Variants in COCH observed in about 807,000 individuals in gnomAD.
The protein encoded by COCH is coagulation factor C homolog, cochlin (Limulus polyphemus).
A neutral mutation model predicts 54.8 loss-of-function variants in COCH; 40 were observed. The observed-to-expected ratio is 0.73, with a 90% confidence interval of 0.57 to 0.95. The LOEUF (loss-of-function observed/expected upper bound fraction) is 0.95. Ranked by LOEUF, COCH falls within the 40% of genes least tolerant of loss-of-function variation. The pLI, the probability that COCH is intolerant of heterozygous loss-of-function variation, is 0.00. For synonymous variants in COCH, 256 were observed against 237.9 expected, an observed-to-expected ratio of 1.08 and a Z score of -0.70; for missense variants, 605 against 675.0, an observed-to-expected ratio of 0.90 and a Z score of 1.15.
In COCH at chr14:30,880,447, T is replaced by C; in HGVS notation, c.437-5T>C. 1 of 1,613,960 alleles carries C rather than the reference T, an allele frequency of 6.2e-7. No individual in the cohort carries two copies. The highest frequency in any genetic ancestry group is 8.5e-7 in the Non-Finnish European group (1 of 1,179,886). On this transcript the variant is annotated splice_polypyrimidine_tract_variant and splice_region_variant and intron_variant, in intron 6 of 11. Coordinates refer to ENST00000396618, the MANE Select transcript of COCH (RefSeq NM_004086.3). The stretch of plus-strand genomic sequence containing the variant: ...TGTTAATGCCAAGTGCATCTTTTAT[T>C]TCAGGTAAACGACTAAAGAAAACAC...
downstream of COCH, among the ~76,000 whole-genome samples, chr14:30,890,966 G>A (rs941141437): frequency 6.6e-6 from 1 of 152,026 alleles, no homozygotes; most frequent in Non-Finnish European, 1.5e-5. Flanking sequence ...TTGAGCCGAG[G>A]AGGTCAAGGC....
Position 30,882,120 on chromosome 14 carries a change from G to GTTTTTTTTTTTTTTTTTTTTT in COCH, c.629+1393_629+1413dup, listed in dbSNP as rs61175020. Among the ~76,000 whole-genome samples, 43 of 67,912 alleles carry GTTTTTTTTTTTTTTTTTTTTT rather than the reference G, an allele frequency of 6.3e-4. 9 individuals are homozygous for GTTTTTTTTTTTTTTTTTTTTT. Among genetic ancestry groups the GTTTTTTTTTTTTTTTTTTTTT allele is most frequent in the African/African-American group, 1.2e-3 (18 of 15,212 alleles). 44.6% of individuals were successfully genotyped at this position (67,912 alleles called of 152,430 possible). Reference sequence around the variant, plus strand: ...CCCTAGAGATAATCACTATAAAATGGTTTTTTTTTTTTTTTTTTTTTTTTT... The same window carrying GTTTTTTTTTTTTTTTTTTTTT: ...CCCTAGAGATAATCACTATAAAATGGTTTTTTTTTTTTTTTTTTTTTTTTTTTTTTTTTTTTTTTTTTTTTT... On this transcript the variant is annotated intron_variant, in intron 8 of 11. Transcript: ENST00000396618.
Position 30,889,838 on chromosome 14 carries a change from G to A in COCH, c.*47G>A. On this transcript the variant is annotated 3_prime_UTR_variant, in exon 12 of 12. Transcript: ENST00000396618. ...AAGAAAAAGTACAAGGGGATCCAGT[G>A]TGTAAATTGTATTCTCATAATACTG... 1 of 1,585,640 alleles carries A rather than the reference G, an allele frequency of 6.3e-7. No individual in the cohort carries two copies. Among genetic ancestry groups the A allele is most frequent in the Non-Finnish European group, 8.6e-7 (1 of 1,163,172 alleles).
chr14:30,895,461 C>T (rs1428937389), downstream of COCH: 2 of 1,613,926 alleles, frequency 1.2e-6, no homozygotes, highest in South Asian at 2.2e-5. Context: ...GCTATATATG[C>T]TTTTGACGAG....
In COCH at chr14:30,877,642, A is replaced by T; in HGVS notation, c.153A>T (p.Pro51=). The change falls in exon 4 of 12, where the codon CCA becomes CCT. Residue 51 remains proline, a synonymous_variant. Coordinates refer to ENST00000396618, the MANE Select transcript of COCH (RefSeq NM_004086.3). The surrounding 1 kb of genome is among the most constrained non-coding windows in gnomAD (Gnocchi z 8.6). ...IRKEKADVLC[P]GGCPLEEFSV... is the part of the protein sequence containing the mutation. Reference sequence around the variant, plus strand: ...AAGAGAAAGCAGATGTCCTCTGCCCAGGGGGCTGCCCTCTTGAGGAATTCT... The same window carrying T: ...AAGAGAAAGCAGATGTCCTCTGCCCTGGGGGCTGCCCTCTTGAGGAATTCT... The T allele has an allele frequency of 2.5e-6, 4 of 1,614,210 alleles. No individual in the cohort carries two copies. The highest frequency in any genetic ancestry group is 3.4e-6 in the Non-Finnish European group (4 of 1,180,032).
chr14:30,879,974 TA>T (rs932823318), intron 6 of COCH, among the ~76,000 whole-genome samples: 15 of 152,206 alleles, frequency 9.9e-5, no homozygotes, highest in African/African-American at 3.6e-4. Context: ...AATAATTCTC[TA>T]AAAGTCCTAT....
intron 11 of COCH, among the ~76,000 whole-genome samples, chr14:30,888,836 A>G: frequency 6.6e-6 from 1 of 151,916 alleles, no homozygotes; most frequent in South Asian, 2.1e-4. Context: ...TACAATTGGG[A>G]TTGGGGTGAA....
chr14:30,885,131 G>A (rs1566412438), intron 9 of COCH: 9 of 1,492,292 alleles, frequency 6.0e-6, no homozygotes, highest in South Asian at 2.5e-5. Flanking sequence ...TTGATGTGGG[G>A]TAAACAAATG....
chr14:30,889,890 T>A lies in COCH; in HGVS notation c.*99T>A. 1 of 1,478,116 alleles carries A rather than the reference T, an allele frequency of 6.8e-7. No individual in the cohort carries two copies. The allele number at this position is 1,478,116 out of a possible 1,614,324, so 91.6% of individuals were successfully genotyped here. ...AATGCTTTAGCATACTAGAATCAGA[T>A]ACAAAACTATTAAGTATGTCAACAG... On this transcript the variant is annotated 3_prime_UTR_variant, in exon 12 of 12. Transcript: ENST00000396618.
At chr14:30,881,209 T>A (rs1895570713) in intron 8 of COCH, among the ~76,000 whole-genome samples, 1 of 120,180 alleles carries the variant, frequency 8.3e-6, no homozygotes, top group Non-Finnish European at 1.7e-5. Context: ...TGAGACTATG[T>A]CTCAAAAAAA....
In COCH at chr14:30,884,579, T is replaced by C; in HGVS notation, c.656T>C (p.Leu219Ser). 6.2e-7 allele frequency: 1 copy of C among 1,613,582 alleles called. No individual in the cohort carries two copies. Among genetic ancestry groups the C allele is most frequent in the Non-Finnish European group, 8.5e-7 (1 of 1,179,592 alleles). Residue 219 changes from leucine (L) to serine (S), a missense_variant, in exon 9 of 12, where the codon TTG (leucine) becomes TCG (serine). By Grantham distance (145) the Leu-to-Ser change is moderately radical (BLOSUM62 -2). Transcript: ENST00000396618. ...ASEHPKIEFY[L>S]KNFTSAKDVL... ...GAACATCCCAAAATAGAATTTTACTTGAAAAACTTTACATCAGCCAAAGAT... is the reference window on the plus strand; with the variant it reads ...GAACATCCCAAAATAGAATTTTACTCGAAAAACTTTACATCAGCCAAAGAT...
intron 4 of COCH, 68 bp from the exon 5 acceptor site, chr14:30,878,743 C>T (rs556328142): frequency 6.2e-7 from 1 of 1,607,150 alleles, no homozygotes; most frequent in East Asian, 2.2e-5. Context: ...TACAACATGG[C>T]ACTATAAGTC....
chr14:30,887,346 A>ATCGT (rs544421409), intron 11 of COCH, among the ~76,000 whole-genome samples: 87 of 151,770 alleles, frequency 5.7e-4, no homozygotes, highest in African/African-American at 2.0e-3. Context: ...ATGAACTGAG[A>ATCGT]TCGTGCCATT....
At chr14:30,882,543 A>C (rs554238963) in intron 8 of COCH, among the ~76,000 whole-genome samples, 8,554 of 152,148 alleles carry the variant, frequency 0.056, 396 homozygotes, top group East Asian at 0.25. Context: ...ATTTTCTCAT[A>C]TCACAAATAT....
chr14:30,883,164 AC>A (rs1895672899), intron 8 of COCH, among the ~76,000 whole-genome samples: 1 of 152,202 alleles, frequency 6.6e-6, no homozygotes, highest in South Asian at 2.1e-4. Context: ...TCACATTTAT[AC>A]CTGAGTTTGA....
At chr14:30,874,836 C>A in intron 1 of COCH, 80 bp from the exon 2 acceptor site, 1 of 1,372,466 alleles carries the variant, frequency 7.3e-7, no homozygotes, top group Non-Finnish European at 1.0e-6. Flanking sequence ...CCCGGGGATC[C>A]GAAGGGTGCG....
downstream of COCH, among the ~76,000 whole-genome samples, chr14:30,892,634 C>T (rs1054950789): frequency 1.3e-5 from 2 of 152,030 alleles, no homozygotes; most frequent in Admixed American, 6.6e-5. Flanking sequence ...ATGGTAAAGC[C>T]CTGTCTCTAC....
intron 6 of COCH, among the ~76,000 whole-genome samples, chr14:30,880,140 T>C (rs1044042113): frequency 2.0e-5 from 3 of 152,218 alleles, no homozygotes; most frequent in Admixed American, 2.0e-4. Flanking sequence ...GATCCCCTTT[T>C]GTATGACGAT....
chr14:30,891,715 A>G (rs553203395), downstream of COCH, among the ~76,000 whole-genome samples: 5 of 152,104 alleles, frequency 3.3e-5, no homozygotes, highest in Admixed American at 6.5e-5. Context: ...CCCAGCTACC[A>G]CTCATTAGCC....
Sources: allele counts gnomAD v4.1 joint callset (sites outside exome capture counted in the v4.1 genomes callset), GRCh38; gene constraint gnomAD v4.1.1; non-coding constraint Gnocchi (gnomAD v3.1); transcripts MANE v1.5; gene names NCBI Gene and HGNC (gene_info 2026-07-23, HGNC 2026-07-21).